Variants in ZDHHC2 observed in about 807,000 individuals in gnomAD.
The protein encoded by ZDHHC2 is zDHHC palmitoyltransferase 2.
Under a neutral mutation model 55.6 loss-of-function variants are expected in ZDHHC2, and 51 were observed. That is an observed-to-expected ratio of 0.92 (90% CI 0.73 to 1.16). The LOEUF is 1.16. ZDHHC2 is among the 50% of genes most tolerant of loss of function. The pLI is 0.00. For synonymous variants in ZDHHC2, 199 were observed against 152.9 expected, an observed-to-expected ratio of 1.30 and a Z score of -2.22; for missense variants, 491 against 442.4, an observed-to-expected ratio of 1.11 and a Z score of -0.99.
intron 6 of ZDHHC2, among the ~76,000 whole-genome samples, chr8:17,199,848 C>G (rs1806650620): frequency 6.6e-6 from 1 of 151,312 alleles, no homozygotes; most frequent in Non-Finnish European, 1.5e-5. Flanking sequence ...CAACCTCTGC[C>G]TCCCGGGTTC....
intron 8 of ZDHHC2, 129 bp downstream of exon 8, chr8:17,208,221 G>T (rs920862232): frequency 1.4e-5 from 13 of 929,792 alleles, no homozygotes; most frequent in South Asian, 2.5e-5. Flanking sequence ...TTTCCTCATT[G>T]TTTTTTTGAT....
intron 11 of ZDHHC2, among the ~76,000 whole-genome samples, chr8:17,216,370 CCTTAT>C (rs1203498906): frequency 1.3e-5 from 2 of 152,130 alleles, no homozygotes; most frequent in Admixed American, 6.6e-5. Context: ...CTTTCTTTAG[CCTTAT>C]CTTTAAGAAA....
intron 1 of ZDHHC2, among the ~76,000 whole-genome samples, chr8:17,183,386 C>T (rs1189819583): frequency 1.3e-5 from 2 of 152,192 alleles, no homozygotes; most frequent in Admixed American, 1.3e-4. Context: ...TTGCCTCAAG[C>T]CTCTCCTGTG....
intron 6 of ZDHHC2, among the ~76,000 whole-genome samples, chr8:17,205,424 ATTGT>A (rs1190099412): frequency 1.3e-5 from 2 of 152,220 alleles, no homozygotes; most frequent in Non-Finnish European, 2.9e-5. Context: ...ATGCAGTTAC[ATTGT>A]TTGTGATTGA....
At chr8:17,195,415 A>G in intron 3 of ZDHHC2, 89 bp from the exon 4 acceptor site, 1 of 1,405,754 alleles carries the variant, frequency 7.1e-7, no homozygotes, top group Non-Finnish European at 9.6e-7. Context: ...TTAATATTTT[A>G]TAAATACCCT....
intron 6 of ZDHHC2, among the ~76,000 whole-genome samples, chr8:17,200,904 C>T (rs183334662): frequency 6.6e-6 from 1 of 152,292 alleles, no homozygotes; most frequent in Admixed American, 6.5e-5. Context: ...TTCCCCATCA[C>T]TTCCCTTGCG....
At chr8:17,198,916 A>G (rs1424620729) in intron 6 of ZDHHC2, among the ~76,000 whole-genome samples, 1 of 152,236 alleles carries the variant, frequency 6.6e-6, no homozygotes, top group Non-Finnish European at 1.5e-5. Flanking sequence ...AATATTTGCT[A>G]ATATTTCTCA....
chr8:17,198,321 A>G lies in ZDHHC2; in HGVS notation c.444-60A>G. The G allele has an allele frequency of 2.8e-6, 4 of 1,432,648 alleles. No homozygotes were observed. In the South Asian group the frequency reaches 5.9e-5, roughly 21 times the overall value. The allele number at this position is 1,432,648 out of a possible 1,614,324, so 88.7% of individuals were successfully genotyped here. A position where few individuals can be genotyped will look rare whatever the true frequency, so the allele number is the denominator to read the frequency against. On this transcript the variant is annotated intron_variant, in intron 5 of 12. Coordinates refer to ENST00000262096, the MANE Select transcript of ZDHHC2 (RefSeq NM_016353.5). ...AACTAACCATAATTTATATTTTTAT[A>G]ATTTAATATGATTAAAATTTCATGG...
intron 3 of ZDHHC2, among the ~76,000 whole-genome samples, chr8:17,193,248 C>T (rs1806125114): frequency 6.6e-6 from 1 of 152,108 alleles, no homozygotes; most frequent in Non-Finnish European, 1.5e-5. Context: ...TAGGAGATAC[C>T]CCAATCCCAG....
At chr8:17,169,534 A>G (rs893833597) in intron 1 of ZDHHC2, among the ~76,000 whole-genome samples, 1 of 152,202 alleles carries the variant, frequency 6.6e-6, no homozygotes, top group Non-Finnish European at 1.5e-5. Flanking sequence ...ATGGTACGCA[A>G]ACTGATAAAG....
rs370376485 is a variant in ZDHHC2 at position 17,214,826 on chromosome 8, C to T, written c.951-411C>T. 1.2e-4 allele frequency among the ~76,000 whole-genome samples: 19 copies of T among 152,106 alleles called. No homozygotes were observed. The East Asian group carries it at 1.7e-3, about 14-fold the overall frequency. On this transcript the variant is annotated intron_variant, in intron 10 of 12. Coordinates refer to ENST00000262096, the MANE Select transcript of ZDHHC2 (RefSeq NM_016353.5). The stretch of plus-strand genomic sequence containing the variant: ...GCTGAAGGAGGAGGATTGATTTGAG[C>T]GAAGGAGGTTGAGGCCATGACTGCA...
intron 3 of ZDHHC2, among the ~76,000 whole-genome samples, chr8:17,189,127 GTTTTT>G (rs33942303): frequency 2.4e-5 from 2 of 83,768 alleles, no homozygotes; most frequent in Non-Finnish European, 4.5e-5. Context: ...GTTTTGTTAT[GTTTTT>G]TTTTTTTTTT....
chr8:17,189,453 G>A (rs149164951), intron 3 of ZDHHC2, among the ~76,000 whole-genome samples: 38 of 152,296 alleles, frequency 2.5e-4, no homozygotes, highest in Non-Finnish European at 4.4e-4. Context: ...TTTGTTCACT[G>A]CTTCATCACC....
chr8:17,196,748 CAA>C (rs1354526507), intron 4 of ZDHHC2, among the ~76,000 whole-genome samples: 1 of 151,522 alleles, frequency 6.6e-6, no homozygotes, highest in Non-Finnish European at 1.5e-5. Flanking sequence ...ACTAAAAATA[CAA>C]AAAAATTAGC....
intron 1 of ZDHHC2, among the ~76,000 whole-genome samples, chr8:17,182,088 T>C (rs978076877): frequency 2.0e-5 from 3 of 152,172 alleles, no homozygotes; most frequent in Non-Finnish European, 4.4e-5. Context: ...AGCAAAACCT[T>C]GCATAGTCCA....
intron 12 of ZDHHC2, among the ~76,000 whole-genome samples, chr8:17,218,435 T>C (rs1807750463): frequency 6.6e-6 from 1 of 152,162 alleles, no homozygotes; most frequent in Admixed American, 6.6e-5. Context: ...GCAATAACCA[T>C]TGTTTTTAAG....
In ZDHHC2 at chr8:17,205,829, G is replaced by A; in HGVS notation, c.597+54G>A. 3.4e-6 allele frequency: 5 copies of A among 1,484,820 alleles called. No homozygotes were observed. In the South Asian group the frequency reaches 6.7e-5, roughly 20 times the overall value. The allele number at this position is 1,484,820 out of a possible 1,614,324, so 92.0% of individuals were successfully genotyped here. A position where few individuals can be genotyped will look rare whatever the true frequency, so the allele number is the denominator to read the frequency against. ...TTGGTATACAATAATAGATAATATAGGCTTTTCAGAACAGAATTATTTCCG... is the reference window on the plus strand; with the variant it reads ...TTGGTATACAATAATAGATAATATAAGCTTTTCAGAACAGAATTATTTCCG... On this transcript the variant is annotated intron_variant, in intron 7 of 12. Transcript: ENST00000262096.
chr8:17,222,106 C>T lies in ZDHHC2; in HGVS notation c.*1885C>T, dbSNP rs1357252940. On this transcript the variant is annotated 3_prime_UTR_variant, in exon 13 of 13. Transcript: ENST00000262096. Reference sequence around the variant, plus strand: ...AAAAGAGGGATTTTTATCCTTTACTCTTCTAGAGTACTGTTAATGCCCCTT... The same window carrying T: ...AAAAGAGGGATTTTTATCCTTTACTTTTCTAGAGTACTGTTAATGCCCCTT... 6.7e-6 allele frequency: 1 copy of T among 148,186 alleles called. No homozygotes were observed. Among genetic ancestry groups the T allele is most frequent in the Non-Finnish European group, 1.5e-5 (1 of 67,186 alleles). 9.2% of individuals were successfully genotyped at this position (148,186 alleles called of 1,614,324 possible). A position where few individuals can be genotyped will look rare whatever the true frequency, so the allele number is the denominator to read the frequency against.
Position 17,205,756 on chromosome 8 carries a change from A to G in ZDHHC2, c.578A>G (p.Tyr193Cys). ...CLFIAATDLQ[Y>C]FIKFWTNGLP... ...TTTATTGCGGCAACAGATTTACAGT[A>G]TTTTATCAAATTTTGGACAGTAAGT... The change falls in exon 7 of 13, where the codon TAT becomes TGT. Residue 193 changes from tyrosine to cysteine, a missense_variant. Transcript: ENST00000262096. 1 of 1,605,898 alleles carries G rather than the reference A, an allele frequency of 6.2e-7. No homozygotes were observed. Among genetic ancestry groups the G allele is most frequent in the Admixed American group, 1.7e-5 (1 of 58,082 alleles).
Sources: allele counts gnomAD v4.1 joint callset (sites outside exome capture counted in the v4.1 genomes callset), GRCh38; gene constraint gnomAD v4.1.1; transcripts MANE v1.5; gene names NCBI Gene and HGNC (gene_info 2026-07-23, HGNC 2026-07-21).